RAI14: variants seen among roughly 807,000 people sequenced by gnomAD.
RAI14 encodes the protein ankycorbin.
Under a neutral mutation model 115.4 loss-of-function variants are expected in RAI14, and 45 were observed. That is an observed-to-expected ratio of 0.39 (90% CI 0.31 to 0.50). RAI14 has a LOEUF of 0.50. RAI14 is among the 20% of genes least tolerant of loss of function. The pLI is 0.85. For missense variants in RAI14, 939 were observed against 1,131.2 expected, an observed-to-expected ratio of 0.83 and a Z score of 2.44; for synonymous variants, 371 against 415.4, an observed-to-expected ratio of 0.89 and a Z score of 1.30.
intron 3 of RAI14, among the ~76,000 whole-genome samples, chr5:34,759,872 G>A (rs750406266): frequency 4.6e-5 from 7 of 152,114 alleles, no homozygotes; most frequent in African/African-American, 9.7e-5. Context: ...TCAGCTGTAG[G>A]TGCTCTATAT....
chr5:34,812,494 C>T lies in RAI14; in HGVS notation c.765+286C>T, dbSNP rs530009490. Reference sequence around the variant, plus strand: ...CACCCTGACCAACATGGAGAAACCCCGCCTCTACTAATATTACAATATTAG... The same window carrying T: ...CACCCTGACCAACATGGAGAAACCCTGCCTCTACTAATATTACAATATTAG... On this transcript the variant is annotated intron_variant, in intron 10 of 17. Transcript: ENST00000265109. 5.3e-5 allele frequency among the ~76,000 whole-genome samples: 8 copies of T among 152,058 alleles called. No homozygotes were observed. The South Asian group carries it at 1.0e-3, about 20-fold the overall frequency.
intron 15 of RAI14, 81 bp downstream of exon 15, chr5:34,824,572 T>G: frequency 8.6e-7 from 1 of 1,165,542 alleles, no homozygotes; most frequent in Non-Finnish European, 1.2e-6. Context: ...ATATTTCTAG[T>G]GTTGGCACTA....
chr5:34,660,847 C>T (rs1258296219), intron 1 of RAI14, among the ~76,000 whole-genome samples: 2 of 150,280 alleles, frequency 1.3e-5, no homozygotes, highest in African/African-American at 4.9e-5. Context: ...CTCGTGAATT[C>T]TGCAAAAGGA....
intron 2 of RAI14, among the ~76,000 whole-genome samples, chr5:34,738,911 ACCT>A (rs1444308225): frequency 6.6e-6 from 1 of 152,050 alleles, no homozygotes; most frequent in Non-Finnish European, 1.5e-5. Flanking sequence ...CTAAGTTCAA[ACCT>A]CCTTAGTAGC....
chr5:34,801,734 T>TC lies in RAI14; in HGVS notation c.257-1977dup, dbSNP rs1182824022. Among the ~76,000 whole-genome samples the TC allele has an allele frequency of 1.4e-4, 17 of 123,072 alleles. No individual in the cohort carries two copies. In the South Asian group the frequency reaches 3.8e-3, roughly 28 times the overall value. The allele number at this position is 123,072 out of a possible 152,430, so 80.7% of individuals were successfully genotyped here. ...CCGGCCTGAATGACAGATAAGACTT[T>TC]CTAAAAAAAAAAAGGTATTTGGGGC... On this transcript the variant is annotated intron_variant, in intron 4 of 17. Coordinates refer to ENST00000265109, the MANE Select transcript of RAI14 (RefSeq NM_015577.3).
chr5:34,789,292 C>T (rs1752664866), intron 3 of RAI14, among the ~76,000 whole-genome samples: 1 of 152,236 alleles, frequency 6.6e-6, no homozygotes, highest in Admixed American at 6.5e-5. Context: ...ATCTACATAT[C>T]AGGTTCTGTC....
chr5:34,818,636 A>G (rs543307236), intron 12 of RAI14, among the ~76,000 whole-genome samples, 161 bp from the exon 13 acceptor site: 1 of 152,322 alleles, frequency 6.6e-6, no homozygotes, highest in South Asian at 2.1e-4. Flanking sequence ...TTACTCATTT[A>G]TAGCTTAAAA....
At chr5:34,794,503 T>C (rs1753277745) in intron 3 of RAI14, among the ~76,000 whole-genome samples, 1 of 152,234 alleles carries the variant, frequency 6.6e-6, no homozygotes, top group Non-Finnish European at 1.5e-5. Flanking sequence ...TGAAATCACT[T>C]ATAAAATAAA....
At chr5:34,721,291 G>GTATATATATATATATATA (rs10538679) in intron 2 of RAI14, among the ~76,000 whole-genome samples, 2 of 131,158 alleles carry the variant, frequency 1.5e-5, no homozygotes, top group East Asian at 2.7e-4. Flanking sequence ...ATGTAGATGT[G>GTATATATATATATATATA]TATATATATA....
chr5:34,774,984 T>C (rs1750657570), intron 3 of RAI14, among the ~76,000 whole-genome samples: 1 of 152,092 alleles, frequency 6.6e-6, no homozygotes, highest in Non-Finnish European at 1.5e-5. Flanking sequence ...GTAAACTCAT[T>C]TTTGACAAAG....
intron 4 of RAI14, among the ~76,000 whole-genome samples, chr5:34,796,323 T>C (rs1021939432): frequency 1.3e-5 from 2 of 150,322 alleles, no homozygotes; most frequent in Non-Finnish European, 2.9e-5. Context: ...ACTGGAATCC[T>C]GGAGGCGGAG....
intron 2 of RAI14, among the ~76,000 whole-genome samples, chr5:34,693,004 C>G (rs1278736381): frequency 1.3e-5 from 2 of 152,120 alleles, no homozygotes; most frequent in Non-Finnish European, 2.9e-5. Context: ...CTTGCAGAAG[C>G]CTTGCCCCGA....
rs1318873639 is a variant in RAI14, at chr5:34,776,773, C to A, written c.168-19166C>A. ...GGTGAGCCAAGATTGCACCACTGCACTCCAGCCTGGGTGACAGAGTGAGAC... is the reference window on the plus strand; with the variant it reads ...GGTGAGCCAAGATTGCACCACTGCAATCCAGCCTGGGTGACAGAGTGAGAC... On this transcript the variant is annotated intron_variant, in intron 3 of 17. Transcript: ENST00000265109. 3.5e-5 allele frequency among the ~76,000 whole-genome samples: 4 copies of A among 114,198 alleles called. 1 individual carries two copies. The highest frequency in any genetic ancestry group is 1.8e-4 in the Admixed American group (2 of 11,114). The allele number at this position is 114,198 out of a possible 152,430, so 74.9% of individuals were successfully genotyped here.
At chr5:34,748,221 G>A (rs760800028) in intron 2 of RAI14, among the ~76,000 whole-genome samples, 3 of 152,216 alleles carry the variant, frequency 2.0e-5, no homozygotes, top group Non-Finnish European at 4.4e-5. Flanking sequence ...GGGGTGAATA[G>A]CAGGGACAGT....
At chr5:34,696,336 C>T (rs547639450) in intron 2 of RAI14, among the ~76,000 whole-genome samples, 37 of 152,100 alleles carry the variant, frequency 2.4e-4, no homozygotes, top group Admixed American at 9.8e-4. Flanking sequence ...CAGGGTTTCA[C>T]TGTGTTAGCC....
chr5:34,713,380 T>C (rs956039744), intron 2 of RAI14, among the ~76,000 whole-genome samples: 1 of 152,102 alleles, frequency 6.6e-6, no homozygotes, highest in Non-Finnish European at 1.5e-5. Flanking sequence ...TCAAGAGAGA[T>C]GGGATTGAGG....
At chr5:34,785,151 C>A (rs1341562205) in intron 3 of RAI14, among the ~76,000 whole-genome samples, 1 of 152,150 alleles carries the variant, frequency 6.6e-6, no homozygotes, top group Non-Finnish European at 1.5e-5. Context: ...TCTAAAGCCT[C>A]CAGTTTCTCT....
At chr5:34,712,401 C>T (rs147044101) in intron 2 of RAI14, among the ~76,000 whole-genome samples, 7 of 152,226 alleles carry the variant, frequency 4.6e-5, no homozygotes, top group East Asian at 1.9e-4. Context: ...GGTCAAGTCA[C>T]ATTGTACCTT....
chr5:34,660,756 C>T (rs1454168082), intron 1 of RAI14, among the ~76,000 whole-genome samples: 1 of 150,596 alleles, frequency 6.6e-6, no homozygotes, highest in Non-Finnish European at 1.5e-5. Context: ...CGTCCTCATT[C>T]CTTCAAATTG....
Sources: gnomAD v4.1 joint callset for allele counts (sites outside exome capture counted in the v4.1 genomes callset) on GRCh38, gnomAD v4.1.1 for gene constraint, MANE v1.5 for transcripts, NCBI Gene and HGNC (gene_info 2026-07-23, HGNC 2026-07-21) for gene names.